The following GAS6 variants were observed in gnomAD, a reference collection of about 807,000 sequenced individuals.
The protein encoded by GAS6 is growth arrest-specific protein 6.
GAS6 carries 41 observed loss-of-function variants against 75.8 expected under a neutral mutation model. The ratio of observed to expected loss-of-function variants is 0.54; its 90% CI spans 0.42 to 0.70. The LOEUF (loss-of-function observed/expected upper bound fraction) is 0.70. Ranked by LOEUF, GAS6 falls within the 30% of genes least tolerant of loss-of-function variation. GAS6 has a pLI of 0.00. For missense variants in GAS6, 854 were observed against 940.2 expected, an observed-to-expected ratio of 0.91 and a Z score of 1.20; for synonymous variants, 432 against 412.6, an observed-to-expected ratio of 1.05 and a Z score of -0.57.
At position 113,843,209 on chromosome 13, in the gene GAS6, G is replaced by C. The variant is rs1395667363; in HGVS notation, c.343+3318C>G. On this transcript the variant is annotated intron_variant, in intron 4 of 14. Coordinates refer to ENST00000327773, the MANE Select transcript of GAS6 (RefSeq NM_000820.4). ...CACCTCCCTGATCCCCATCCCGCAA[G>C]CTGGGCCTAGGGTATCGGTGGCCTG... 3 of 215,082 alleles carry C rather than the reference G, an allele frequency of 1.4e-5. No homozygotes were observed. In the East Asian group the frequency reaches 2.7e-4, roughly 20 times the overall value. The allele number at this position is 215,082 out of a possible 1,614,324, so 13.3% of individuals were successfully genotyped here. A position where few individuals can be genotyped will look rare whatever the true frequency, so the allele number is the denominator to read the frequency against.
At chr13:113,859,108 CAG>C (rs1264660745) in intron 2 of GAS6, among the ~76,000 whole-genome samples, 8 of 137,884 alleles carry the variant, frequency 5.8e-5, no homozygotes, top group African/African-American at 2.2e-4. Flanking sequence ...GCATGTCTGT[CAG>C]TGTGTGGCTG....
At chr13:113,832,817 C>T (rs765289746) in intron 8 of GAS6, 65 bp from the exon 9 acceptor site, 58 of 1,606,438 alleles carry the variant, frequency 3.6e-5, no homozygotes, top group East Asian at 8.9e-5. Flanking sequence ...CTGAGCCCCA[C>T]GCCCCGGCCG....
intron 2 of GAS6, among the ~76,000 whole-genome samples, chr13:113,858,982 G>A (rs1442854973): frequency 2.6e-5 from 4 of 151,590 alleles, no homozygotes. Flanking sequence ...ATGTCTATAT[G>A]AATGTGTGCA....
At position 113,858,633 on chromosome 13, in the gene GAS6, CTG is replaced by C. The variant is rs1014657602; in HGVS notation, c.255+4940_255+4941del. Among the ~76,000 whole-genome samples, 27 of 127,158 alleles carry C rather than the reference CTG, an allele frequency of 2.1e-4. 1 individual carries two copies. Among genetic ancestry groups the C allele is most frequent in the East Asian group, 9.3e-4 (4 of 4,314 alleles). 83.4% of individuals were successfully genotyped at this position (127,158 alleles called of 152,430 possible). ...TCTGTGTGTGCCTATGTATGCATGT[CTG>C]TGTGTTTGTGACTGTATGTGTACAT... is the stretch of plus-strand genomic sequence containing the variant. On this transcript the variant is annotated intron_variant, in intron 2 of 14. Coordinates refer to ENST00000327773, the MANE Select transcript of GAS6 (RefSeq NM_000820.4).
intron 4 of GAS6, chr13:113,843,085 T>C (rs1313212735): frequency 2.6e-6 from 1 of 378,144 alleles, no homozygotes; most frequent in Admixed American, 4.5e-5. Flanking sequence ...ATCTGTGGAA[T>C]TTCCTCCACA....
In GAS6 at chr13:113,838,112, G is replaced by C. The variant is rs544676722; in HGVS notation, c.546C>G (p.Cys182Trp). The change falls in exon 6 of 15, where the codon TGC (cysteine) becomes TGG (tryptophan). Residue 182 changes from cysteine to tryptophan, a missense_variant. By Grantham distance (215) the Cys-to-Trp change is radical. Transcript: ENST00000327773. ...HNKPGSFHCSCHSGFELSSDG... is the reference protein window; with the variant it reads ...HNKPGSFHCSWHSGFELSSDG... ...CAGAGGAGAGCTCGAAGCCGCTGTG[G>C]CAGGAACAGTGGAAGCTACCCGGCT... The C allele has an allele frequency of 6.2e-7, 1 of 1,612,906 alleles. No individual in the cohort carries two copies. Among genetic ancestry groups the C allele is most frequent in the Non-Finnish European group, 8.5e-7 (1 of 1,179,900 alleles).
intron 6 of GAS6, chr13:113,835,917 G>A (rs1026127121): frequency 1.5e-5 from 19 of 1,287,196 alleles, no homozygotes; most frequent in East Asian, 1.3e-4. Context: ...GGGGGGCGGC[G>A]GTGCACGCTG....
At chr13:113,826,389 TCG>T (rs2051539348) in intron 12 of GAS6, among the ~76,000 whole-genome samples, 3 of 147,746 alleles carry the variant, frequency 2.0e-5, no homozygotes, top group Non-Finnish European at 4.5e-5. Context: ...CTCCCCGGCC[TCG>T]CAGGCACCTT....
chr13:113,863,794 C>T lies in GAS6; in HGVS notation c.88+39G>A, dbSNP rs2051993767. 4.3e-6 allele frequency: 6 copies of T among 1,399,538 alleles called. No individual in the cohort carries two copies. The highest frequency in any genetic ancestry group is 1.5e-5 in the African/African-American group (1 of 65,756). The allele number at this position is 1,399,538 out of a possible 1,614,324, so 86.7% of individuals were successfully genotyped here. On this transcript the variant is annotated intron_variant, in intron 1 of 14. Transcript: ENST00000327773. This position sits in a 1 kb window ranked among gnomAD's most constrained non-coding sequence, Gnocchi z 9.4. ...TCAAGCCGCGCCCGGAGCCTCCTCC[C>T]GCCGCCCGGGGACGGGGTCTCGGGC...
chr13:113,825,435 C>T (rs2051524245), intron 12 of GAS6, among the ~76,000 whole-genome samples: 1 of 151,996 alleles, frequency 6.6e-6, no homozygotes, highest in African/African-American at 2.4e-5. Context: ...TGAGCCAGGC[C>T]AGTACTACCA....
At chr13:113,826,107 C>T (rs547973748) in intron 12 of GAS6, among the ~76,000 whole-genome samples, 10 of 152,166 alleles carry the variant, frequency 6.6e-5, no homozygotes, top group South Asian at 2.1e-4. Context: ...GCAGCACCCC[C>T]GGAGCCTGCA....
At chr13:113,827,289 C>T in intron 11 of GAS6, 125 bp from the exon 12 acceptor site, 1 of 896,514 alleles carries the variant, frequency 1.1e-6, no homozygotes, top group South Asian at 1.6e-5. Context: ...ACGGGCCAGT[C>T]CCATCGGTGG....
chr13:113,840,552 T>G (rs2051764252), intron 4 of GAS6: 1 of 151,948 alleles, frequency 6.6e-6, no homozygotes, highest in South Asian at 2.1e-4. Flanking sequence ...CACAAACACA[T>G]TCATACGAGG....
chr13:113,842,477 A>G (rs913428199), intron 4 of GAS6: 5 of 395,602 alleles, frequency 1.3e-5, no homozygotes, highest in African/African-American at 8.5e-5. Context: ...CATCCCTGAC[A>G]CTGCTGTCGC....
rs369772467 is a variant in GAS6 at position 113,822,201 on chromosome 13, G to C, written c.1654-15C>G. On this transcript the variant is annotated splice_polypyrimidine_tract_variant and intron_variant, in intron 13 of 14. Transcript: ENST00000327773. ...AGGACCACCAGCTGCAGGAGACCGAGGTGTGGTCAGGGCCTGCCGGCCACC... is the reference window on the plus strand; with the variant it reads ...AGGACCACCAGCTGCAGGAGACCGACGTGTGGTCAGGGCCTGCCGGCCACC... The C allele has an allele frequency of 3.3e-6, 5 of 1,513,296 alleles. No individual in the cohort carries two copies. The highest frequency in any genetic ancestry group is 4.5e-6 in the Non-Finnish European group (5 of 1,121,596). 93.7% of individuals were successfully genotyped at this position (1,513,296 alleles called of 1,614,324 possible).
At chr13:113,849,370 A>G (rs116953185) in intron 2 of GAS6, among the ~76,000 whole-genome samples, 3,458 of 152,274 alleles carry the variant, frequency 0.023, 53 homozygotes, top group Non-Finnish European at 0.038. Context: ...AAGAAAAGGC[A>G]AGAACAGCCA....
chr13:113,839,652 G>A (rs1437828873), intron 5 of GAS6, 76 bp downstream of exon 5: 3 of 1,565,874 alleles, frequency 1.9e-6, no homozygotes, highest in Admixed American at 3.5e-5. Context: ...GTGCCCCGGA[G>A]TGGGAGTGAG....
At chr13:113,840,748 G>A (rs1397103762) in intron 4 of GAS6, 1 of 152,274 alleles carries the variant, frequency 6.6e-6, no homozygotes, top group African/African-American at 2.4e-5. Context: ...GCTCGGGGCT[G>A]AGCATGGCAG....
At chr13:113,849,222 G>GAGCTGCACACC (rs2051856239) in intron 2 of GAS6, among the ~76,000 whole-genome samples, 1 of 152,212 alleles carries the variant, frequency 6.6e-6, no homozygotes, top group Non-Finnish European at 1.5e-5. Context: ...GGGTCAGGGT[G>GAGCTGCACACC]AGCTGGTGTG....
Sources: gnomAD v4.1 joint callset for allele counts (sites outside exome capture counted in the v4.1 genomes callset) on GRCh38, gnomAD v4.1.1 for gene constraint, Gnocchi (gnomAD v3.1) non-coding constraint, MANE v1.5 for transcripts, NCBI Gene and HGNC (gene_info 2026-07-23, HGNC 2026-07-21) for gene names.